Variants in ANXA10 observed in about 807,000 individuals in gnomAD.
The protein encoded by ANXA10 is annexin 14.
In ANXA10, 49 loss-of-function variants were observed where a neutral mutation model predicts 53.5. The ratio of observed to expected loss-of-function variants is 0.92; its 90% CI spans 0.73 to 1.16. The LOEUF (loss-of-function observed/expected upper bound fraction) is 1.16, where lower values mean the gene tolerates loss of function less well. ANXA10 is among the 50% of genes most tolerant of loss of function. ANXA10 has a pLI of 0.00. For synonymous variants in ANXA10, 131 were observed against 128.9 expected, an observed-to-expected ratio of 1.02 and a Z score of -0.11; for missense variants, 393 against 394.4, an observed-to-expected ratio of 1.00 and a Z score of 0.03.
chr4:168,106,430 T>C lies in ANXA10; in HGVS notation c.18+13712T>C, dbSNP rs17610542. Among the ~76,000 whole-genome samples, 1,412 of 152,216 alleles carry C rather than the reference T, an allele frequency of 9.3e-3. 18 individuals carry two copies. The highest frequency in any genetic ancestry group is 0.021 in the Middle Eastern group (6 of 290). On this transcript the variant is annotated intron_variant, in intron 1 of 11. Coordinates refer to ENST00000359299, the MANE Select transcript of ANXA10 (RefSeq NM_007193.5). ...ATCAGTGTGATTCTTGAAAACAATA[T>C]AGTGTTCCATGGAACTCTTGGAAGA...
intron 6 of ANXA10, 106 bp downstream of exon 6, chr4:168,165,432 C>T (rs1731860301): frequency 8.0e-6 from 4 of 500,538 alleles, no homozygotes; most frequent in Non-Finnish European, 1.4e-5. Flanking sequence ...CAGTATATTA[C>T]AGTTCAATAG....
Position 168,153,016 on chromosome 4 carries a change from G to A in ANXA10, c.196-9512G>A, listed in dbSNP as rs978583627. Among the ~76,000 whole-genome samples, 5 of 151,930 alleles carry A rather than the reference G, an allele frequency of 3.3e-5. No homozygotes were observed. In the East Asian group the frequency reaches 9.7e-4, roughly 30 times the overall value. On this transcript the variant is annotated intron_variant, in intron 3 of 11. Transcript: ENST00000359299. Reference sequence around the variant, plus strand: ...TGCCACCACACTCAGCGAGTTTTTGGCATTTTTTGTGGAGACGGGGCTTCG... The same window carrying A: ...TGCCACCACACTCAGCGAGTTTTTGACATTTTTTGTGGAGACGGGGCTTCG...
intron 6 of ANXA10, among the ~76,000 whole-genome samples, chr4:168,177,198 G>A (rs552500412): frequency 2.6e-5 from 4 of 152,156 alleles, no homozygotes; most frequent in South Asian, 2.1e-4. Flanking sequence ...ATTGGTTAGC[G>A]CCCCTTCCCT....
chr4:168,167,361 T>C (rs1460655232), intron 6 of ANXA10, among the ~76,000 whole-genome samples: 2 of 152,224 alleles, frequency 1.3e-5, no homozygotes, highest in Admixed American at 1.3e-4. Flanking sequence ...TATTGTAAAA[T>C]AGGCTTTGTG....
chr4:168,139,925 C>A (rs1334797779), intron 3 of ANXA10, among the ~76,000 whole-genome samples: 3 of 152,114 alleles, frequency 2.0e-5, no homozygotes, highest in African/African-American at 7.2e-5. Context: ...CTGTGGCGAG[C>A]TTTAGGGAAG....
intron 1 of ANXA10, among the ~76,000 whole-genome samples, chr4:168,125,255 C>A (rs1579211083): frequency 6.6e-6 from 1 of 152,034 alleles, no homozygotes; most frequent in Non-Finnish European, 1.5e-5. Context: ...GCCTCATGAA[C>A]GGAAATCCTA....
chr4:168,187,455 C>T lies in ANXA10; in HGVS notation c.*21C>T. The T allele has an allele frequency of 4.6e-6, 7 of 1,506,046 alleles. No individual in the cohort carries two copies. Among genetic ancestry groups the T allele is most frequent in the Non-Finnish European group, 6.3e-6 (7 of 1,107,888 alleles). 93.3% of individuals were successfully genotyped at this position (1,506,046 alleles called of 1,614,324 possible). A position where few individuals can be genotyped will look rare whatever the true frequency, so the allele number is the denominator to read the frequency against. ...ACTAAAATGAAGAGGACTTGGAGTA[C>T]TGTGCACTCCTCTTTCTAGACACTT... On this transcript the variant is annotated 3_prime_UTR_variant, in exon 12 of 12. Transcript: ENST00000359299.
At chr4:168,170,116 G>A (rs995314014) in intron 6 of ANXA10, among the ~76,000 whole-genome samples, 1 of 152,178 alleles carries the variant, frequency 6.6e-6, no homozygotes, top group South Asian at 2.1e-4. Flanking sequence ...ATGAGTACGA[G>A]TATTTGTATA....
At chr4:168,145,225 T>C (rs188163110) in intron 3 of ANXA10, among the ~76,000 whole-genome samples, 3 of 152,264 alleles carry the variant, frequency 2.0e-5, no homozygotes, top group Admixed American at 2.0e-4. Context: ...ATAATACTGA[T>C]GTAGTATTGC....
At position 168,155,634 on chromosome 4, in the gene ANXA10, T is replaced by TTATATAATATATAATTATATATTATAAA. The variant is rs1329438640; in HGVS notation, c.196-6888_196-6887insATATATAATTATATATTATAAATATATA. On this transcript the variant is annotated intron_variant, in intron 3 of 11. Coordinates refer to ENST00000359299, the MANE Select transcript of ANXA10 (RefSeq NM_007193.5). ...AATTATATATTATAAATATATATAA[T>TTATATAATATATAATTATATATTATAAA]TATATATAATTATACATTATATAGT... 4.7e-4 allele frequency among the ~76,000 whole-genome samples: 33 copies of TTATATAATATATAATTATATATTATAAA among 70,384 alleles called. 1 individual carries two copies. The highest frequency in any genetic ancestry group is 5.5e-4 in the Non-Finnish European group (22 of 39,660). 46.2% of individuals were successfully genotyped at this position (70,384 alleles called of 152,430 possible). A position where few individuals can be genotyped will look rare whatever the true frequency, so the allele number is the denominator to read the frequency against.
chr4:168,164,627 G>T (rs1465899875), intron 5 of ANXA10, among the ~76,000 whole-genome samples: 1 of 152,064 alleles, frequency 6.6e-6, no homozygotes, highest in Non-Finnish European at 1.5e-5. Context: ...GAAAAAATAA[G>T]GTACAATAAT....
At chr4:168,108,333 C>T (rs1456840342) in intron 1 of ANXA10, among the ~76,000 whole-genome samples, 2 of 152,092 alleles carry the variant, frequency 1.3e-5, no homozygotes, top group African/African-American at 4.8e-5. Flanking sequence ...AGGTCTCAGC[C>T]TTATTTTACC....
intron 6 of ANXA10, among the ~76,000 whole-genome samples, chr4:168,167,120 C>T (rs868291913): frequency 2.6e-5 from 4 of 152,116 alleles, no homozygotes; most frequent in Non-Finnish European, 5.9e-5. Flanking sequence ...TTAATCTAAA[C>T]GTTTCTGTGG....
chr4:168,181,690 T>C lies in ANXA10; in HGVS notation c.732T>C (p.Cys244=). The C allele has an allele frequency of 6.2e-7, 1 of 1,603,694 alleles. No individual in the cohort carries two copies. Among genetic ancestry groups the C allele is most frequent in the Non-Finnish European group, 8.5e-7 (1 of 1,172,328 alleles). ...CTCTCTGATTTCTCCTAGTTCTCTG[T>C]GTTCGAGACAAACCAGCCTATTTTG... is the stretch of plus-strand genomic sequence containing the variant. ...FQELLVAIVL[C]VRDKPAYFAY... Residue 244 remains cysteine, a synonymous_variant, in exon 10 of 12, where the codon TGT becomes TGC. Coordinates refer to ENST00000359299, the MANE Select transcript of ANXA10 (RefSeq NM_007193.5).
At chr4:168,156,337 AGT>A (rs1731678666) in intron 3 of ANXA10, among the ~76,000 whole-genome samples, 1 of 102,880 alleles carries the variant, frequency 9.7e-6, no homozygotes, top group Non-Finnish European at 2.0e-5. Context: ...TATATTATAT[AGT>A]ATATATGTTA....
chr4:168,183,082 A>G (rs1003401170), intron 10 of ANXA10, among the ~76,000 whole-genome samples: 4 of 151,874 alleles, frequency 2.6e-5, no homozygotes, highest in Non-Finnish European at 4.4e-5. Context: ...TACATGTCGT[A>G]GCCTTGAAAA....
intron 3 of ANXA10, among the ~76,000 whole-genome samples, chr4:168,158,833 T>G (rs1469814973): frequency 2.6e-5 from 4 of 152,196 alleles, no homozygotes; most frequent in Non-Finnish European, 5.9e-5. Context: ...CATGTTGAAA[T>G]GTGATCTCCA....
chr4:168,178,431 C>T (rs1180465888), intron 8 of ANXA10: 1 of 153,612 alleles, frequency 6.5e-6, no homozygotes, highest in Non-Finnish European at 1.4e-5. Context: ...CTTTGTTTGA[C>T]ATTCCCTAAA....
intron 2 of ANXA10, among the ~76,000 whole-genome samples, chr4:168,131,230 A>C (rs1731152317): frequency 6.6e-6 from 1 of 151,782 alleles, no homozygotes; most frequent in South Asian, 2.1e-4. Flanking sequence ...TCTTAGTCTC[A>C]TGTGTATTTA....
Sources: allele counts gnomAD v4.1 joint callset (sites outside exome capture counted in the v4.1 genomes callset), GRCh38; gene constraint gnomAD v4.1.1; transcripts MANE v1.5; gene names NCBI Gene and HGNC (gene_info 2026-07-23, HGNC 2026-07-21).